TMTC4: variants seen among roughly 807,000 people sequenced by gnomAD.
TMTC4 encodes the protein protein O-mannosyl-transferase TMTC4.
Under a neutral mutation model 86.0 loss-of-function variants are expected in TMTC4, and 65 were observed. The observed-to-expected ratio is 0.76, with a 90% CI of 0.62 to 0.93. The LOEUF (loss-of-function observed/expected upper bound fraction) is 0.93, where lower values mean the gene tolerates loss of function less well. Ranked by LOEUF, TMTC4 falls within the 40% of genes least tolerant of loss-of-function variation. The pLI, the probability that TMTC4 is intolerant of heterozygous loss-of-function variation, is 0.00. For missense variants in TMTC4, 866 were observed against 948.1 expected (o/e 0.91, Z 1.14); for synonymous variants, 379 against 382.5 (o/e 0.99, Z 0.11).
chr13:100,660,727 C>A (rs1885678931), intron 5 of TMTC4, among the ~76,000 whole-genome samples: 1 of 149,544 alleles, frequency 6.7e-6, no homozygotes, highest in Non-Finnish European at 1.5e-5. Context: ...GGTCTTGGTT[C>A]ACTGCAGCCT....
At chr13:100,625,469 A>AT in intron 15 of TMTC4, 66 bp downstream of exon 15, 1 of 1,596,822 alleles carries the variant, frequency 6.3e-7, no homozygotes, top group South Asian at 1.1e-5. Context: ...TCACTATGTC[A>AT]TTTTATTATA....
At chr13:100,632,068 C>T (rs1208280561) in intron 12 of TMTC4, among the ~76,000 whole-genome samples, 2 of 97,140 alleles carry the variant, frequency 2.1e-5, no homozygotes, top group African/African-American at 6.2e-5. Context: ...CTCTCTCTCT[C>T]TCTCTCTCTC....
chr13:100,668,905 A>G (rs1265260772), intron 2 of TMTC4, 111 bp from the exon 3 acceptor site: 2 of 1,118,876 alleles, frequency 1.8e-6, no homozygotes, highest in Non-Finnish European at 2.5e-6. Flanking sequence ...ATTTTATAGG[A>G]TGTGATCAGT....
intron 12 of TMTC4, among the ~76,000 whole-genome samples, chr13:100,630,580 C>T (rs1481118194): frequency 6.6e-6 from 1 of 152,140 alleles, no homozygotes; most frequent in Non-Finnish European, 1.5e-5. Context: ...GTGACTTCAC[C>T]TCCTCTCGTA....
chr13:100,674,040 A>G, intron 1 of TMTC4: 1 of 985,334 alleles, frequency 1.0e-6, no homozygotes, highest in Non-Finnish European at 1.2e-6. Flanking sequence ...ACACACACGC[A>G]GCCCATAGCC....
intron 12 of TMTC4, among the ~76,000 whole-genome samples, chr13:100,628,870 C>G (rs60861157): frequency 0.012 from 1,897 of 152,226 alleles, 40 homozygotes; most frequent in African/African-American, 0.043. Flanking sequence ...ATTTGTTGGC[C>G]GGGCGCAGTG....
Position 100,674,482 on chromosome 13 carries a change from G to A in TMTC4, c.-208+262C>T, listed in dbSNP as rs1490763896. ...CCCGGGCGGAGAAGCTCAGGGGCCC[G>A]AGCGCGGCGGGCGGGGCGCGCAGCC... is the stretch of plus-strand genomic sequence containing the variant. On this transcript the variant is annotated intron_variant, in intron 1 of 18. Coordinates refer to ENST00000342624, the MANE Select transcript of TMTC4 (RefSeq NM_032813.5). 6.8e-4 allele frequency: 631 copies of A among 930,370 alleles called. 1 individual carries two copies. Among genetic ancestry groups the A allele is most frequent in the Non-Finnish European group, 7.8e-4 (612 of 787,056 alleles). The allele number at this position is 930,370 out of a possible 1,614,324, so 57.6% of individuals were successfully genotyped here.
chr13:100,655,008 C>A (rs912350677), intron 6 of TMTC4, among the ~76,000 whole-genome samples: 1 of 138,396 alleles, frequency 7.2e-6, no homozygotes, highest in African/African-American at 2.6e-5. Context: ...AGAAAAGCCA[C>A]AACGCCTATT....
At chr13:100,674,834 G>A (rs1245032925), upstream of TMTC4, 78 of 971,810 alleles carry the variant, frequency 8.0e-5, no homozygotes, top group Non-Finnish European at 8.4e-5. Context: ...GCAGGGGGAG[G>A]GGCCGCCCGC....
chr13:100,614,536 CAAT>C lies in TMTC4; in HGVS notation c.1837-109_1837-107del, dbSNP rs888178287. The C allele has an allele frequency of 1.5e-4, 127 of 843,166 alleles. 1 individual carries two copies. The highest frequency in any genetic ancestry group is 1.3e-3 in the Middle Eastern group (5 of 3,940). 52.2% of individuals were successfully genotyped at this position (843,166 alleles called of 1,614,324 possible). Reference sequence around the variant, plus strand: ...AAGAAAGAAAAAGCCCAACAAACAACAATAAAAAACCAAAACCTAACTTTAATT... The same window carrying C: ...AAGAAAGAAAAAGCCCAACAAACAACAAAAAACCAAAACCTAACTTTAATT... On this transcript the variant is annotated intron_variant, in intron 15 of 18. Transcript: ENST00000342624.
Position 100,604,811 on chromosome 13 carries a change from C to T in TMTC4, c.*183G>A, listed in dbSNP as rs1290055903. The T allele has an allele frequency of 4.0e-6, 2 of 498,982 alleles. No individual in the cohort carries two copies. Among genetic ancestry groups the T allele is most frequent in the South Asian group, 1.7e-4 (2 of 11,586 alleles). The allele number at this position is 498,982 out of a possible 1,614,324, so 30.9% of individuals were successfully genotyped here. A position where few individuals can be genotyped will look rare whatever the true frequency, so the allele number is the denominator to read the frequency against. On this transcript the variant is annotated 3_prime_UTR_variant, in exon 19 of 19. Coordinates refer to ENST00000342624, the MANE Select transcript of TMTC4 (RefSeq NM_032813.5). ...AAAAAATACAATTTCAATGAAAAATCATATCACGCATTCAAGAGTATATTG... is the reference window on the plus strand; with the variant it reads ...AAAAAATACAATTTCAATGAAAAATTATATCACGCATTCAAGAGTATATTG...
chr13:100,644,163 T>C (rs867882153), intron 6 of TMTC4, among the ~76,000 whole-genome samples: 1 of 146,884 alleles, frequency 6.8e-6, no homozygotes, highest in Non-Finnish European at 1.5e-5. Flanking sequence ...TGGAGTGCAG[T>C]GGCACGATCT....
intron 6 of TMTC4, among the ~76,000 whole-genome samples, chr13:100,651,094 T>C (rs1594339433): frequency 1.3e-5 from 2 of 152,330 alleles, no homozygotes; most frequent in African/African-American, 4.8e-5. Flanking sequence ...TCTAGGTATA[T>C]AGAAAATCCA....
At chr13:100,627,916 G>A (rs1304581289) in intron 12 of TMTC4, among the ~76,000 whole-genome samples, 5 of 152,192 alleles carry the variant, frequency 3.3e-5, no homozygotes, top group African/African-American at 1.2e-4. Flanking sequence ...TAGGAGAGAG[G>A]TCAGCAGACT....
chr13:100,635,214 T>C lies in TMTC4; in HGVS notation c.1203-19A>G, dbSNP rs766615841. Reference sequence around the variant, plus strand: ...AAGGATCCTGGATGATGAAAAGTATTTAAATAAATGGCTATTTCCAGACTT... The same window carrying C: ...AAGGATCCTGGATGATGAAAAGTATCTAAATAAATGGCTATTTCCAGACTT... On this transcript the variant is annotated intron_variant, in intron 10 of 18. Transcript: ENST00000342624. The C allele has an allele frequency of 3.9e-6, 6 of 1,537,978 alleles. No individual in the cohort carries two copies. The highest frequency in any genetic ancestry group is 5.2e-6 in the Non-Finnish European group (6 of 1,145,436).
chr13:100,668,885 T>G (rs900990767), intron 2 of TMTC4, 91 bp from the exon 3 acceptor site: 2 of 1,264,676 alleles, frequency 1.6e-6, no homozygotes, highest in Non-Finnish European at 2.2e-6. Flanking sequence ...AGATAGTCAT[T>G]TATGCTATGA....
intron 12 of TMTC4, 124 bp downstream of exon 12, chr13:100,634,681 A>C: frequency 8.0e-7 from 1 of 1,252,982 alleles, no homozygotes; most frequent in South Asian, 2.1e-5. Context: ...AACAAAGAAA[A>C]ACCCAAGTAT....
chr13:100,611,533 C>T (rs1341611958), intron 17 of TMTC4, among the ~76,000 whole-genome samples: 1 of 151,910 alleles, frequency 6.6e-6, no homozygotes, highest in Non-Finnish European at 1.5e-5. Flanking sequence ...TGCAGAGAGC[C>T]GAGATGGCGC....
At chr13:100,659,951 T>C (rs1041883467) in intron 5 of TMTC4, among the ~76,000 whole-genome samples, 6 of 148,564 alleles carry the variant, frequency 4.0e-5, no homozygotes, top group African/African-American at 1.5e-4. Flanking sequence ...CAGGTGCTTA[T>C]TTGCAGTGGG....
Sources: allele counts gnomAD v4.1 joint callset (sites outside exome capture counted in the v4.1 genomes callset), GRCh38; gene constraint gnomAD v4.1.1; transcripts MANE v1.5; gene names NCBI Gene and HGNC (gene_info 2026-07-23, HGNC 2026-07-21).